GALNTL6: variants seen among roughly 807,000 people sequenced by gnomAD.
GALNTL6 encodes polypeptide N-acetylgalactosaminyltransferase-like 6.
In GALNTL6, 46 loss-of-function variants were observed where a neutral mutation model predicts 73.7. The observed-to-expected ratio is 0.62, with a 90% CI of 0.49 to 0.80. GALNTL6 has a LOEUF of 0.80. Among genes scored for constraint, GALNTL6 ranks in the 30% least tolerant of loss-of-function variants. The pLI is 0.00. For synonymous variants in GALNTL6, 259 were observed against 263.7 expected (o/e 0.98, Z 0.17); for missense variants, 604 against 755.0 (o/e 0.80, Z 2.34).
intron 5 of GALNTL6, among the ~76,000 whole-genome samples, chr4:172,457,646 CAAG>C (rs1447349377): frequency 4.6e-5 from 7 of 152,096 alleles, no homozygotes; most frequent in East Asian, 1.9e-4. Flanking sequence ...ATCAATGCAA[CAAG>C]AAGAGCTAAC....
At chr4:172,896,466 C>T (rs188359625) in intron 8 of GALNTL6, among the ~76,000 whole-genome samples, 42 of 152,266 alleles carry the variant, frequency 2.8e-4, no homozygotes, top group South Asian at 4.1e-4. Context: ...GTGGAAACTC[C>T]GTACAGGGCT....
intron 5 of GALNTL6, among the ~76,000 whole-genome samples, chr4:172,641,637 G>A (rs1739987317): frequency 6.6e-6 from 1 of 151,980 alleles, no homozygotes; most frequent in Non-Finnish European, 1.5e-5. Flanking sequence ...CTGCTCCTAA[G>A]CCCTGCCCAC....
At chr4:172,323,429 G>C (rs925196334) in intron 4 of GALNTL6, among the ~76,000 whole-genome samples, 1 of 152,106 alleles carries the variant, frequency 6.6e-6, no homozygotes, top group African/African-American at 2.4e-5. Flanking sequence ...TATGTAAATT[G>C]GTGCTTGGAA....
chr4:171,995,238 G>A (rs1196449543), intron 2 of GALNTL6, among the ~76,000 whole-genome samples: 1 of 151,878 alleles, frequency 6.6e-6, no homozygotes, highest in Non-Finnish European at 1.5e-5. Context: ...CATAAAGAGA[G>A]GTTGCCTAAA....
intron 2 of GALNTL6, among the ~76,000 whole-genome samples, chr4:171,950,273 A>G (rs975397601): frequency 2.6e-5 from 4 of 152,198 alleles, no homozygotes; most frequent in Non-Finnish European, 4.4e-5. Context: ...AAATTCACTC[A>G]AAAATGATAA....
At chr4:172,006,119 C>A (rs960844541) in intron 2 of GALNTL6, among the ~76,000 whole-genome samples, 3 of 152,160 alleles carry the variant, frequency 2.0e-5, no homozygotes, top group African/African-American at 7.2e-5. Context: ...ACGAGTCATG[C>A]TATTATCTTT....
chr4:172,722,930 G>T (rs897882555), intron 5 of GALNTL6, among the ~76,000 whole-genome samples: 7 of 152,100 alleles, frequency 4.6e-5, no homozygotes, highest in Admixed American at 1.3e-4. Flanking sequence ...TTCCAGTTCT[G>T]TAGGTTAGAA....
intron 5 of GALNTL6, among the ~76,000 whole-genome samples, chr4:172,364,556 TCTAAGAGCATGAACCTA>T (rs1363090851): frequency 2.6e-5 from 4 of 152,336 alleles, no homozygotes; most frequent in African/African-American, 7.2e-5. Flanking sequence ...AATTTTGAAT[TCTAAGAGCATGAACCTA>T]CTAACATTTG....
At chr4:172,040,272 G>A (rs905901) in intron 2 of GALNTL6, among the ~76,000 whole-genome samples, 149,872 of 152,178 alleles carry the variant, frequency 0.98, 73,837 homozygotes, top group Middle Eastern at 1. Flanking sequence ...TTTTAGACTG[G>A]TATTAAAGGT....
intron 2 of GALNTL6, among the ~76,000 whole-genome samples, chr4:171,818,177 A>G (rs1017341322): frequency 1.3e-5 from 2 of 151,786 alleles, no homozygotes. Flanking sequence ...TGCATTAAAT[A>G]CCACTTACAT....
At chr4:172,788,981 C>G (rs1330850725) in intron 5 of GALNTL6, among the ~76,000 whole-genome samples, 1 of 152,202 alleles carries the variant, frequency 6.6e-6, no homozygotes, top group Non-Finnish European at 1.5e-5. Flanking sequence ...TGTTTTTCCT[C>G]TGCCCTCACA....
chr4:171,918,108 G>A (rs765238254), intron 2 of GALNTL6, among the ~76,000 whole-genome samples: 13 of 151,996 alleles, frequency 8.6e-5, no homozygotes, highest in East Asian at 3.9e-4. Flanking sequence ...GCATATCTTC[G>A]TTTTGTTGTG....
At chr4:172,152,977 G>T (rs1234124964) in intron 2 of GALNTL6, among the ~76,000 whole-genome samples, 3 of 152,140 alleles carry the variant, frequency 2.0e-5, no homozygotes, top group African/African-American at 4.8e-5. Context: ...AAGGATAAAA[G>T]AATTACAACA....
intron 5 of GALNTL6, among the ~76,000 whole-genome samples, chr4:172,665,452 A>G (rs1731609031): frequency 6.6e-6 from 1 of 152,222 alleles, no homozygotes; most frequent in African/African-American, 2.4e-5. Flanking sequence ...ATAGTGGTTT[A>G]CTTAAAGGTA....
chr4:172,797,249 G>C (rs1490600225), intron 5 of GALNTL6, among the ~76,000 whole-genome samples: 1 of 151,858 alleles, frequency 6.6e-6, no homozygotes, highest in Non-Finnish European at 1.5e-5. Context: ...AAGAGTTTTT[G>C]TTTTTCTTTT....
chr4:172,411,025 A>G (rs1744415663), intron 5 of GALNTL6, among the ~76,000 whole-genome samples: 1 of 152,196 alleles, frequency 6.6e-6, no homozygotes, highest in Admixed American at 6.5e-5. Context: ...GTCACAGATT[A>G]TGTACATTCG....
At chr4:172,222,598 T>C (rs540163341) in intron 2 of GALNTL6, among the ~76,000 whole-genome samples, 9 of 152,078 alleles carry the variant, frequency 5.9e-5, no homozygotes, top group Admixed American at 3.3e-4. Context: ...GAACTGACTC[T>C]GTCTCTGACT....
intron 2 of GALNTL6, among the ~76,000 whole-genome samples, chr4:172,149,040 C>G (rs1379277357): frequency 5.9e-5 from 9 of 152,288 alleles, no homozygotes; most frequent in Non-Finnish European, 1.2e-4. Context: ...CCCTTCACCC[C>G]AGCTCCCACA....
At chr4:172,651,401 A>G (rs1740470862) in intron 5 of GALNTL6, among the ~76,000 whole-genome samples, 1 of 152,252 alleles carries the variant, frequency 6.6e-6, no homozygotes, top group Non-Finnish European at 1.5e-5. Flanking sequence ...CATAGGAACT[A>G]GAATTATACT....
Sources: allele counts gnomAD v4.1 joint callset (sites outside exome capture counted in the v4.1 genomes callset), GRCh38; gene constraint gnomAD v4.1.1; transcripts MANE v1.5; gene names NCBI Gene and HGNC (gene_info 2026-07-23, HGNC 2026-07-21).